The following SEC11A variants were observed in gnomAD, a reference collection of about 807,000 sequenced individuals.
The protein encoded by SEC11A is signal peptidase complex catalytic subunit SEC11A.
SEC11A carries 14 observed loss-of-function variants against 25.6 expected under a neutral mutation model. The ratio of observed to expected loss-of-function variants is 0.55; its 90% CI spans 0.36 to 0.85. The LOEUF (loss-of-function observed/expected upper bound fraction) is 0.85, where lower values mean the gene tolerates loss of function less well. Ranked by LOEUF, SEC11A falls within the 40% of genes least tolerant of loss-of-function variation. SEC11A has a pLI of 0.01. For missense variants in SEC11A, 153 were observed against 222.9 expected, an observed-to-expected ratio of 0.69 and a Z score of 2.00; for synonymous variants, 83 against 76.4, an observed-to-expected ratio of 1.09 and a Z score of -0.45.
intron 1 of SEC11A, among the ~76,000 whole-genome samples, chr15:84,715,363 T>C (rs539246313): frequency 1.1e-4 from 16 of 152,234 alleles, no homozygotes; most frequent in Non-Finnish European, 2.2e-4. Flanking sequence ...CAAAGTAAAG[T>C]GTAAGGACAA....
rs1480612495 is a variant in SEC11A at position 84,669,852 on chromosome 15, C to T, written c.*167G>A. On this transcript the variant is annotated 3_prime_UTR_variant, in exon 6 of 6. Transcript: ENST00000268220. ...GAGTGCACTCTGTGGTGCACATGCG[C>T]CCGCCCACACAAACTCTGGCATGGA... 1 of 1,296,458 alleles carries T rather than the reference C, an allele frequency of 7.7e-7. No homozygotes were observed. The highest frequency in any genetic ancestry group is 2.6e-5 in the East Asian group (1 of 38,700). 80.3% of individuals were successfully genotyped at this position (1,296,458 alleles called of 1,614,324 possible). A position where few individuals can be genotyped will look rare whatever the true frequency, so the allele number is the denominator to read the frequency against.
intron 4 of SEC11A, chr15:84,679,801 G>T: frequency 1.7e-6 from 1 of 592,288 alleles, no homozygotes; most frequent in Non-Finnish European, 2.9e-6. Flanking sequence ...TTAAAATGTG[G>T]TAATACTTGT....
Position 84,685,666 on chromosome 15 carries a change from A to G in SEC11A, c.311+1959T>C, listed in dbSNP as rs138109527. Among the ~76,000 whole-genome samples the G allele has an allele frequency of 5.3e-3, 813 of 152,204 alleles. 10 individuals are homozygous for G. Among genetic ancestry groups the G allele is most frequent in the African/African-American group, 0.019 (770 of 41,532 alleles). ...TGAGCTTAATTTGATTCTCTCTGATATATTTAGGGGAAAGTTGGTTCAGCT... is the reference window on the plus strand; with the variant it reads ...TGAGCTTAATTTGATTCTCTCTGATGTATTTAGGGGAAAGTTGGTTCAGCT... On this transcript the variant is annotated intron_variant, in intron 3 of 5. Coordinates refer to ENST00000268220, the MANE Select transcript of SEC11A (RefSeq NM_014300.4).
chr15:84,690,885 G>C (rs1320048915), intron 2 of SEC11A, among the ~76,000 whole-genome samples: 2 of 151,998 alleles, frequency 1.3e-5, no homozygotes, highest in Non-Finnish European at 2.9e-5. Context: ...CTAAATATCA[G>C]GCCTGGTGTA....
chr15:84,701,226 T>C (rs934739853), intron 1 of SEC11A, among the ~76,000 whole-genome samples: 1 of 149,744 alleles, frequency 6.7e-6, no homozygotes, highest in Non-Finnish European at 1.5e-5. Context: ...TCCCAGCTAC[T>C]CAGCAAGAGG....
chr15:84,675,050 T>C (rs1258828051), intron 4 of SEC11A, among the ~76,000 whole-genome samples: 1 of 152,222 alleles, frequency 6.6e-6, no homozygotes, highest in Non-Finnish European at 1.5e-5. Flanking sequence ...AAAGAGCTGA[T>C]AATCAAGTGT....
intron 1 of SEC11A, 89 bp downstream of exon 1, chr15:84,715,936 C>A: frequency 2.3e-6 from 3 of 1,290,800 alleles, no homozygotes; most frequent in South Asian, 1.2e-5. Flanking sequence ...CAGACCCTCA[C>A]ACCAGAACCC....
At chr15:84,706,592 G>A (rs1208703551) in intron 1 of SEC11A, among the ~76,000 whole-genome samples, 1 of 152,176 alleles carries the variant, frequency 6.6e-6, no homozygotes, top group African/African-American at 2.4e-5. Context: ...TGAGAGCAGA[G>A]AAAGAAAACA....
rs2141925613 is a variant in SEC11A at position 84,709,574 on chromosome 15, C to G, written c.51+6451G>C. Reference sequence around the variant, plus strand: ...TCTTCTGCCTCAGCCTCCCAAGTAGCTGGGATTACAGGTGCACACCACCAC... The same window carrying G: ...TCTTCTGCCTCAGCCTCCCAAGTAGGTGGGATTACAGGTGCACACCACCAC... On this transcript the variant is annotated intron_variant, in intron 1 of 5. Coordinates refer to ENST00000268220, the MANE Select transcript of SEC11A (RefSeq NM_014300.4). 2.0e-5 allele frequency among the ~76,000 whole-genome samples: 3 copies of G among 152,158 alleles called. 1 individual carries two copies. The South Asian group carries it at 6.2e-4, about 32-fold the overall frequency.
chr15:84,672,031 TC>T (rs1333517301), intron 4 of SEC11A: 9 of 152,298 alleles, frequency 5.9e-5, no homozygotes, highest in African/African-American at 2.2e-4. Context: ...CTAGAGCCTG[TC>T]ATAGGGACGC....
intron 1 of SEC11A, among the ~76,000 whole-genome samples, chr15:84,702,941 G>T (rs900042291): frequency 1.3e-5 from 2 of 152,082 alleles, no homozygotes; most frequent in African/African-American, 4.8e-5. Flanking sequence ...TTTAAGTAAG[G>T]TTCCGCAACA....
chr15:84,710,153 A>G (rs1898217125), intron 1 of SEC11A, among the ~76,000 whole-genome samples: 1 of 152,216 alleles, frequency 6.6e-6, no homozygotes, highest in South Asian at 2.1e-4. Flanking sequence ...GTGAATCAGA[A>G]AGTTTCCTAT....
intron 1 of SEC11A, among the ~76,000 whole-genome samples, chr15:84,700,399 G>C (rs1049597259): frequency 6.7e-6 from 1 of 149,990 alleles, no homozygotes; most frequent in South Asian, 2.1e-4. Context: ...TTCTAGACTG[G>C]CCTGGCCAAC....
At chr15:84,678,208 A>G (rs1303788734) in intron 4 of SEC11A, among the ~76,000 whole-genome samples, 1 of 151,898 alleles carries the variant, frequency 6.6e-6, no homozygotes, top group African/African-American at 2.4e-5. Context: ...TGGGCAAAAG[A>G]GCAAGACTCT....
intron 1 of SEC11A, among the ~76,000 whole-genome samples, chr15:84,702,034 T>A (rs1897960499): frequency 6.6e-6 from 1 of 151,472 alleles, no homozygotes; most frequent in African/African-American, 2.4e-5. Context: ...GCCACTGCAC[T>A]CCAGCCTGGA....
chr15:84,679,208 G>A (rs1339293801), intron 4 of SEC11A: 1 of 1,057,354 alleles, frequency 9.5e-7, no homozygotes, highest in Admixed American at 2.4e-5. Context: ...AAAGAGATTG[G>A]AGAGTTTAAA....
At chr15:84,696,004 T>C (rs562255631) in intron 1 of SEC11A, among the ~76,000 whole-genome samples, 25 of 152,236 alleles carry the variant, frequency 1.6e-4, no homozygotes, top group South Asian at 4.1e-4. Flanking sequence ...ACTATTCTTC[T>C]AGCATTCCAA....
chr15:84,708,205 CAAAAAAAAAAAAAA>C (rs71132699), intron 1 of SEC11A, among the ~76,000 whole-genome samples: 21 of 35,426 alleles, frequency 5.9e-4, no homozygotes, highest in African/African-American at 2.4e-3. Flanking sequence ...GGCTCTGTCT[CAAAAAAAAAAAAAA>C]AAAAAAAAAA....
chr15:84,691,403 A>G lies in SEC11A; in HGVS notation c.161+132T>C, dbSNP rs1186847016. ...AATTTCTTACAACTGATAAGTAGTG[A>G]CTAATTTTCTTCCAGGCCCTTTTCT... On this transcript the variant is annotated intron_variant, in intron 2 of 5. Transcript: ENST00000268220. 4 of 600,308 alleles carry G rather than the reference A, an allele frequency of 6.7e-6. No homozygotes were observed. In the Admixed American group the frequency reaches 1.2e-4, roughly 18 times the overall value. 37.2% of individuals were successfully genotyped at this position (600,308 alleles called of 1,614,324 possible). A position where few individuals can be genotyped will look rare whatever the true frequency, so the allele number is the denominator to read the frequency against.
Sources: gnomAD v4.1 joint callset for allele counts (sites outside exome capture counted in the v4.1 genomes callset) on GRCh38, gnomAD v4.1.1 for gene constraint, MANE v1.5 for transcripts, NCBI Gene and HGNC (gene_info 2026-07-23, HGNC 2026-07-21) for gene names.